CFAP99: variants seen among roughly 807,000 people sequenced by gnomAD.
CFAP99 encodes the protein cilia- and flagella-associated protein 99.
CFAP99 carries 84 observed loss-of-function variants against 82.7 expected under a neutral mutation model. That is an observed-to-expected ratio of 1.02 (90% CI 0.85 to 1.22). The LOEUF (loss-of-function observed/expected upper bound fraction) is 1.22. Ranked by LOEUF, CFAP99 falls within the 50% of genes most tolerant of loss-of-function variation. The pLI is 0.00. For synonymous variants in CFAP99, 456 were observed against 429.5 expected (o/e 1.06, Z -0.76); for missense variants, 1,059 against 983.5 (o/e 1.08, Z -1.03).
At chr4:2,452,979 C>A (rs12498379) in intron 11 of CFAP99, among the ~76,000 whole-genome samples, 2 of 151,960 alleles carry the variant, frequency 1.3e-5, no homozygotes, top group African/African-American at 4.8e-5. Flanking sequence ...AGGAGGATCA[C>A]GTGAGCCTGG....
Position 2,460,243 on chromosome 4 carries a change from G to T in CFAP99, c.1661+1G>T, listed in dbSNP as rs1020948489. 1.3e-6 allele frequency: 2 copies of T among 1,536,092 alleles called. No individual in the cohort carries two copies. Among genetic ancestry groups the T allele is most frequent in the Non-Finnish European group, 1.7e-6 (2 of 1,146,874 alleles). On this transcript the variant is annotated splice_donor_variant, in intron 14 of 14. Transcript: ENST00000635017. LOFTEE classifies it high-confidence loss of function. ...CCATGGGGAGATCCGCAGCCTTGAGGTTGGTACTGGGCTCGGGGAGGGTGC... is the reference window on the plus strand; with the variant it reads ...CCATGGGGAGATCCGCAGCCTTGAGTTTGGTACTGGGCTCGGGGAGGGTGC...
chr4:2,443,845 G>A (rs531163295), intron 5 of CFAP99, among the ~76,000 whole-genome samples: 13 of 152,202 alleles, frequency 8.5e-5, no homozygotes, highest in Non-Finnish European at 1.9e-4. Context: ...AGGCAGAGGG[G>A]TCAGCACAGT....
intron 3 of CFAP99, among the ~76,000 whole-genome samples, chr4:2,437,457 G>T (rs1047996570): frequency 6.6e-6 from 1 of 152,170 alleles, no homozygotes; most frequent in Admixed American, 6.5e-5. Context: ...GGGGCAGGGC[G>T]ACCATTGCAA....
chr4:2,450,559 T>C (rs748440988), intron 8 of CFAP99, among the ~76,000 whole-genome samples: 53 of 152,208 alleles, frequency 3.5e-4, no homozygotes, highest in Non-Finnish European at 5.4e-4. Context: ...CTGGGATGTG[T>C]TGGCAAAGCA....
chr4:2,439,698 C>T (rs1733992015), intron 4 of CFAP99, among the ~76,000 whole-genome samples: 1 of 152,168 alleles, frequency 6.6e-6, no homozygotes, highest in Non-Finnish European at 1.5e-5. Flanking sequence ...AATGAAAAAG[C>T]AGCAAAACTG....
chr4:2,452,105 G>A, intron 10 of CFAP99, 37 bp from the exon 11 acceptor site: 1 of 1,531,122 alleles, frequency 6.5e-7, no homozygotes. Context: ...TGTCACGGGA[G>A]AAACCCCAAG....
At chr4:2,454,598 T>G (rs1301530067) in intron 11 of CFAP99, among the ~76,000 whole-genome samples, 1 of 150,696 alleles carries the variant, frequency 6.6e-6, no homozygotes, top group Non-Finnish European at 1.5e-5. Context: ...TTTTTTGTTT[T>G]TTTTTTTTTT....
At chr4:2,428,523 C>T (rs1480613995) in intron 2 of CFAP99, 1 of 152,270 alleles carries the variant, frequency 6.6e-6, no homozygotes, top group Non-Finnish European at 1.5e-5. Flanking sequence ...TCCCTGCGGA[C>T]TTCCCCCACC....
chr4:2,421,851 G>A lies in CFAP99; in HGVS notation c.-18+2758G>A, dbSNP rs1418992964. Among the ~76,000 whole-genome samples, 3 of 151,160 alleles carry A rather than the reference G, an allele frequency of 2.0e-5. No homozygotes were observed. The East Asian group carries it at 5.8e-4, about 29-fold the overall frequency. ...CAGGCCAGGAGTTCAAGACCAGCCT[G>A]GGCAACATAGTAAGACCCCTGTCTC... On this transcript the variant is annotated intron_variant, in intron 1 of 14. Transcript: ENST00000635017.
At chr4:2,454,581 C>CTTTTTTTTTTTGGTTT (rs1734378524) in intron 11 of CFAP99, among the ~76,000 whole-genome samples, 1 of 94,722 alleles carries the variant, frequency 1.1e-5, no homozygotes, top group Non-Finnish European at 2.1e-5. Flanking sequence ...TGTTTTTTTT[C>CTTTTTTTTTTTGGTTT]TTTTTTTTTT....
intron 4 of CFAP99, 79 bp from the exon 5 acceptor site, chr4:2,443,051 A>G (rs1734085034): frequency 1.3e-6 from 1 of 775,336 alleles, no homozygotes; most frequent in Non-Finnish European, 2.1e-6. Flanking sequence ...CAGGGAGCTC[A>G]CTGGGGGTGC....
At chr4:2,429,397 G>A (rs1733752147) in intron 2 of CFAP99, among the ~76,000 whole-genome samples, 1 of 152,184 alleles carries the variant, frequency 6.6e-6, no homozygotes, top group Non-Finnish European at 1.5e-5. Context: ...ATGTTACCTG[G>A]TGAGTCACAA....
intron 14 of CFAP99, among the ~76,000 whole-genome samples, chr4:2,461,233 G>A (rs78019094): frequency 0.041 from 6,217 of 152,272 alleles, 196 homozygotes; most frequent in African/African-American, 0.069. Context: ...ATGTCCCCTG[G>A]TCCTGGGGTC....
At chr4:2,435,298 GAAAAAAA>G (rs397778115) in intron 2 of CFAP99, among the ~76,000 whole-genome samples, 1 of 55,306 alleles carries the variant, frequency 1.8e-5, no homozygotes, top group Non-Finnish European at 4.5e-5. Context: ...CTCCATCTCA[GAAAAAAA>G]AAAAAAAAAA....
At chr4:2,428,041 T>C (rs1011223497) in intron 2 of CFAP99, 4 of 152,624 alleles carry the variant, frequency 2.6e-5, no homozygotes, top group African/African-American at 9.7e-5. Flanking sequence ...CCCCCAGCTC[T>C]TTCCCTGAGC....
chr4:2,439,912 C>T (rs192948166), intron 4 of CFAP99, among the ~76,000 whole-genome samples: 1,593 of 151,654 alleles, frequency 0.011, 41 homozygotes, highest in African/African-American at 0.036. Flanking sequence ...GGTGCAATCT[C>T]GGCTCACTGC....
At chr4:2,459,547 G>A (rs1011230802) in intron 13 of CFAP99, among the ~76,000 whole-genome samples, 1 of 152,250 alleles carries the variant, frequency 6.6e-6, no homozygotes, top group African/African-American at 2.4e-5. Flanking sequence ...CCTGTTGAGG[G>A]AGGGCCAGGG....
rs574632036 is a variant in CFAP99 at position 2,456,950 on chromosome 4, C to CTT, written c.1162-1754_1162-1753dup. 5.7e-3 allele frequency among the ~76,000 whole-genome samples: 625 copies of CTT among 109,436 alleles called. 5 individuals are homozygous for CTT. The highest frequency in any genetic ancestry group is 0.013 in the African/African-American group (365 of 28,370). 71.8% of individuals were successfully genotyped at this position (109,436 alleles called of 152,430 possible). A position where few individuals can be genotyped will look rare whatever the true frequency, so the allele number is the denominator to read the frequency against. ...GTCATGGGTAATCATTCTTTGAATACTTTTTTTTTTTTTTTTTTTTGAGAT... is the reference window on the plus strand; with the variant it reads ...GTCATGGGTAATCATTCTTTGAATACTTTTTTTTTTTTTTTTTTTTTTGAGAT... On this transcript the variant is annotated intron_variant, in intron 11 of 14. Transcript: ENST00000635017.
chr4:2,422,009 T>C (rs1472932343), intron 1 of CFAP99, among the ~76,000 whole-genome samples: 2 of 152,108 alleles, frequency 1.3e-5, no homozygotes, highest in African/African-American at 4.8e-5. Flanking sequence ...GCCACTGCAC[T>C]CCAGCCTGGG....
Sources: allele counts gnomAD v4.1 joint callset (sites outside exome capture counted in the v4.1 genomes callset), GRCh38; gene constraint gnomAD v4.1.1; transcripts MANE v1.5; gene names NCBI Gene and HGNC (gene_info 2026-07-23, HGNC 2026-07-21).